Variants in ZNF761 observed in about 807,000 individuals in gnomAD.
ZNF761 encodes zinc finger protein 761.
In ZNF761, 43 loss-of-function variants were observed where a neutral mutation model predicts 59.9. The observed-to-expected ratio is 0.72, with a 90% CI of 0.56 to 0.92. The LOEUF is 0.92. Among genes scored for constraint, ZNF761 ranks in the 40% least tolerant of loss-of-function variants. The pLI, the probability that ZNF761 is intolerant of heterozygous loss-of-function variation, is 0.00. For synonymous variants in ZNF761, 294 were observed against 304.8 expected (o/e 0.96, Z 0.37); for missense variants, 850 against 906.1 (o/e 0.94, Z 0.79).
intron 4 of ZNF761, 106 bp from the exon 5 acceptor site, chr19:53,454,544 T>A: frequency 1.6e-6 from 2 of 1,230,724 alleles, no homozygotes; most frequent in South Asian, 3.7e-5. Context: ...AGGGTCATGT[T>A]TGGAAAGTTT....
chr19:53,442,875 T>A, intron 1 of ZNF761: 2 of 363,276 alleles, frequency 5.5e-6, no homozygotes, highest in Non-Finnish European at 1.0e-5. Flanking sequence ...AAAAATCATG[T>A]TGTGAAAAAA....
chr19:53,452,796 A>C (rs1424560659), intron 4 of ZNF761, among the ~76,000 whole-genome samples: 1 of 152,224 alleles, frequency 6.6e-6, no homozygotes, highest in African/African-American at 2.4e-5. Context: ...AGTCCTATTC[A>C]CGAGTAGTCA....
In ZNF761 at chr19:53,456,730, T is replaced by C. The variant is rs766524352; in HGVS notation, c.2223T>C (p.Thr741=). The change falls in exon 5 of 5, where the codon ACT becomes ACC. Residue 741 remains threonine, a synonymous_variant. Coordinates refer to ENST00000684525, the MANE Select transcript of ZNF761 (RefSeq NM_001289951.2). ...TTACATGCCATCGTAGACTTCATACTGGAGAAAAACAAGTGTAATGAATGT... is the reference window on the plus strand; with the variant it reads ...TTACATGCCATCGTAGACTTCATACCGGAGAAAAACAAGTGTAATGAATGT... ...SNLTCHRRLH[T]GEKQV 1 of 1,613,760 alleles carries C rather than the reference T, an allele frequency of 6.2e-7. No homozygotes were observed. Among genetic ancestry groups the C allele is most frequent in the Non-Finnish European group, 8.5e-7 (1 of 1,179,806 alleles).
rs1207006048 is a variant in ZNF761, at chr19:53,454,853, A to G, written c.346A>G (p.Ile116Val). Residue 116 changes from isoleucine to valine, a missense_variant, in exon 5 of 5, where the codon ATC becomes GTC. Physicochemically the swap from Ile to Val is conservative, Grantham distance 29. Transcript: ENST00000684525. ...RNGHEAPMTK[I>V]KKLTGITERY... ...TGGCCATGAAGCACCCATGACAAAA[A>G]TCAAAAAGTTGACAGGTATTACAGA... 1.9e-6 allele frequency: 3 copies of G among 1,614,224 alleles called. No homozygotes were observed. Among genetic ancestry groups the G allele is most frequent in the Non-Finnish European group, 2.5e-6 (3 of 1,180,046 alleles).
chr19:53,437,985 C>T (rs10421016), intron 1 of ZNF761, among the ~76,000 whole-genome samples: 60,781 of 102,048 alleles, frequency 0.6, 22,554 homozygotes, highest in Non-Finnish European at 0.64. Flanking sequence ...CAAACTCTTC[C>T]AGCACAGAAC....
rs758253192 is a variant in ZNF761, at chr19:53,454,652, A to G, written c.145A>G (p.Ile49Val). The G allele has an allele frequency of 1.3e-6, 2 of 1,587,270 alleles. No individual in the cohort carries two copies. The highest frequency in any genetic ancestry group is 1.7e-6 in the Non-Finnish European group (2 of 1,166,516). ...CTTTCGGTGTTTATGTTTTGTAGAT[A>G]TCTCTTCCAAATGCACGATGAAGGA... is the stretch of plus-strand genomic sequence containing the variant. ...ENYRNLVSLDISSKCTMKEFL... is the reference protein window; with the variant it reads ...ENYRNLVSLDVSSKCTMKEFL... The change falls in exon 5 of 5, where the codon ATC (isoleucine) becomes GTC (valine). Residue 49 changes from isoleucine (I) to valine (V), a missense_variant and splice_region_variant. By Grantham distance (29) the Ile-to-Val change is conservative. Coordinates refer to ENST00000684525, the MANE Select transcript of ZNF761 (RefSeq NM_001289951.2).
chr19:53,447,286 G>T lies in ZNF761; in HGVS notation c.15+3G>T. On this transcript the variant is annotated splice_donor_region_variant and intron_variant, in intron 3 of 4. Transcript: ENST00000684525. The stretch of plus-strand genomic sequence containing the variant: ...AGTCAGGGATGGCTTTTTCTCAGGT[G>T]AGATGATATTTTCAGTGGATTGTTC... The T allele has an allele frequency of 6.2e-7, 1 of 1,613,408 alleles. No homozygotes were observed. The highest frequency in any genetic ancestry group is 1.1e-5 in the South Asian group (1 of 91,038).
At chr19:53,443,016 A>AG (rs1315412511) in intron 1 of ZNF761, 4 of 286,000 alleles carry the variant, frequency 1.4e-5, no homozygotes, top group Admixed American at 1.0e-4. Context: ...TTTTAAAAAA[A>AG]CAATTTCTAA....
At chr19:53,450,891 T>G (rs932122342) in intron 4 of ZNF761, among the ~76,000 whole-genome samples, 3 of 151,572 alleles carry the variant, frequency 2.0e-5, no homozygotes, top group Non-Finnish European at 4.4e-5. Context: ...GCTACTCAAG[T>G]GTCTAATGCA....
At chr19:53,440,305 G>T (rs1271486447) in intron 1 of ZNF761, among the ~76,000 whole-genome samples, 4 of 152,166 alleles carry the variant, frequency 2.6e-5, no homozygotes, top group African/African-American at 9.7e-5. Flanking sequence ...CTCCAGCCTG[G>T]TCAACAGAGT....
intron 4 of ZNF761, among the ~76,000 whole-genome samples, chr19:53,452,335 T>C (rs927913490): frequency 6.6e-6 from 1 of 152,018 alleles, no homozygotes; most frequent in Non-Finnish European, 1.5e-5. Context: ...ATACAAAAAT[T>C]AGCTGGGCAT....
At chr19:53,440,079 G>T (rs1302233584) in intron 1 of ZNF761, among the ~76,000 whole-genome samples, 2 of 152,148 alleles carry the variant, frequency 1.3e-5, no homozygotes, top group African/African-American at 4.8e-5. Flanking sequence ...CATTTTCAGA[G>T]ACTGGGGCAA....
intron 1 of ZNF761, among the ~76,000 whole-genome samples, chr19:53,438,773 G>A (rs2086068553): frequency 6.6e-6 from 1 of 152,194 alleles, no homozygotes; most frequent in African/African-American, 2.4e-5. Flanking sequence ...ACCTAGATAT[G>A]TAACCTCTTC....
At chr19:53,447,432 G>C in intron 3 of ZNF761, 149 bp downstream of exon 3, 1 of 1,220,528 alleles carries the variant, frequency 8.2e-7, no homozygotes, top group Non-Finnish European at 1.2e-6. Context: ...CTCTTATCTC[G>C]CTTAGATTCC....
intron 1 of ZNF761, among the ~76,000 whole-genome samples, chr19:53,436,327 C>T (rs545789983): frequency 3.1e-4 from 47 of 152,336 alleles, no homozygotes; most frequent in Admixed American, 1.4e-3. Context: ...GGCATTCTTT[C>T]TTGTATTCAG....
At chr19:53,439,914 A>G (rs1410038439) in intron 1 of ZNF761, among the ~76,000 whole-genome samples, 1 of 152,168 alleles carries the variant, frequency 6.6e-6, no homozygotes, top group Non-Finnish European at 1.5e-5. Flanking sequence ...CTACTGGTGC[A>G]TGATTTACAG....
chr19:53,440,069 C>T (rs1487031531), intron 1 of ZNF761, among the ~76,000 whole-genome samples: 2 of 152,110 alleles, frequency 1.3e-5, no homozygotes, highest in Non-Finnish European at 2.9e-5. Flanking sequence ...ATAATCCCAC[C>T]ATTTTCAGAG....
Position 53,441,786 on chromosome 19 carries a change from A to G in ZNF761, c.-184-4441A>G, listed in dbSNP as rs905687371. 5.2e-5 allele frequency: 52 copies of G among 1,009,664 alleles called. No homozygotes were observed. The African/African-American group carries it at 7.8e-4, about 15-fold the overall frequency. The allele number at this position is 1,009,664 out of a possible 1,614,324, so 62.5% of individuals were successfully genotyped here. ...GTTTTCAAAATTTCTTTTTTAATTC[A>G]TAATCACAGAGAGGAGTCTGCAATG... On this transcript the variant is annotated intron_variant, in intron 1 of 4. Coordinates refer to ENST00000684525, the MANE Select transcript of ZNF761 (RefSeq NM_001289951.2).
At position 53,445,681 on chromosome 19, in the gene ZNF761, A is replaced by G. The variant is rs376335406; in HGVS notation, c.-184-546A>G. Among the ~76,000 whole-genome samples the G allele has an allele frequency of 2.6e-4, 39 of 152,288 alleles. 1 individual carries two copies. In the South Asian group the frequency reaches 7.3e-3, roughly 28 times the overall value. On this transcript the variant is annotated intron_variant, in intron 1 of 4. Coordinates refer to ENST00000684525, the MANE Select transcript of ZNF761 (RefSeq NM_001289951.2). ...TTAAATGGGATGCAGTACCCCAAAA[A>G]TAAAATTAAAAAAAATTTTTTAAAA... is the stretch of plus-strand genomic sequence containing the variant.
Sources: gnomAD v4.1 joint callset for allele counts (sites outside exome capture counted in the v4.1 genomes callset) on GRCh38, gnomAD v4.1.1 for gene constraint, MANE v1.5 for transcripts, NCBI Gene and HGNC (gene_info 2026-07-23, HGNC 2026-07-21) for gene names.